The following EVC variants were observed in gnomAD, a reference collection of about 807,000 sequenced individuals.
EVC encodes the protein evC complex member EVC.
Under a neutral mutation model 118.9 loss-of-function variants are expected in EVC, and 116 were observed. The ratio of observed to expected loss-of-function variants is 0.98; its 90% CI spans 0.84 to 1.14. EVC has a LOEUF of 1.14. Ranked by LOEUF, EVC falls within the 50% of genes most tolerant of loss-of-function variation. The probability of loss-of-function intolerance (pLI) is 0.00; values close to 1 mark genes in which losing one functional copy is unlikely to be tolerated. For missense variants in EVC, 1,401 were observed against 1,246.4 expected (o/e 1.12, Z -1.87); for synonymous variants, 619 against 534.7 (o/e 1.16, Z -2.18).
intron 1 of EVC, among the ~76,000 whole-genome samples, chr4:5,714,495 ATTTT>A (rs56388164): frequency 1.6e-3 from 213 of 129,646 alleles, no homozygotes; most frequent in South Asian, 4.2e-3. Context: ...TGCTGCTTGC[ATTTT>A]TTTTTTTTTT....
rs779899176 is a variant in EVC at position 5,811,323 on chromosome 4, A to G, written c.*286A>G. The G allele has an allele frequency of 4.2e-5, 18 of 429,646 alleles. No homozygotes were observed. The highest frequency in any genetic ancestry group is 1.4e-4 in the Admixed American group (4 of 28,144). 26.6% of individuals were successfully genotyped at this position (429,646 alleles called of 1,614,324 possible). On this transcript the variant is annotated 3_prime_UTR_variant, in exon 21 of 21. Transcript: ENST00000264956. ...CATGGATCTTTCTCCCCAAGGAGGG[A>G]CGTCTTGAGGGGTCCGAGCCTCAGG...
downstream of EVC, among the ~76,000 whole-genome samples, chr4:5,817,778 G>T (rs934797932): frequency 6.6e-6 from 1 of 152,274 alleles, no homozygotes; most frequent in South Asian, 2.1e-4. Flanking sequence ...TTGGCCCCAG[G>T]ATAAGGGTAG....
chr4:5,795,003 A>G (rs1560421432), intron 13 of EVC, among the ~76,000 whole-genome samples: 1 of 152,172 alleles, frequency 6.6e-6, no homozygotes, highest in Non-Finnish European at 1.5e-5. Flanking sequence ...TTCTGTGTCT[A>G]CATTAATTTC....
Position 5,755,259 on chromosome 4 carries a change from A to G in EVC, c.1465-1005A>G, listed in dbSNP as rs569250002. Among the ~76,000 whole-genome samples the G allele has an allele frequency of 2.0e-5, 3 of 152,206 alleles. No individual in the cohort carries two copies. Among genetic ancestry groups the G allele is most frequent in the East Asian group, 3.9e-4 (2 of 5,162 alleles). On this transcript the variant is annotated intron_variant, in intron 10 of 20. Coordinates refer to ENST00000264956, the MANE Select transcript of EVC (RefSeq NM_153717.3). The surrounding 1 kb of genome is among the most constrained non-coding windows in gnomAD (Gnocchi z 4.1). The stretch of plus-strand genomic sequence containing the variant: ...GTCACAGAGCCCAGTGTGAGTCCAG[A>G]GTGTGGAGACAGTGCCTGGGTGACC...
rs1726415422 is a variant in EVC, at chr4:5,729,399, C to T, written c.384+9C>T. On this transcript the variant is annotated intron_variant, in intron 3 of 20. Coordinates refer to ENST00000264956, the MANE Select transcript of EVC (RefSeq NM_153717.3). ...TCAATCAGAAGTTCCGGGTGAGAGT[C>T]CTGAGCTCCATCATAGAAAGCCAGT... 6.2e-7 allele frequency: 1 copy of T among 1,613,206 alleles called. No homozygotes were observed. The highest frequency in any genetic ancestry group is 8.5e-7 in the Non-Finnish European group (1 of 1,179,348).
chr4:5,793,271 GA>G (rs1713138159), intron 12 of EVC, among the ~76,000 whole-genome samples: 1 of 151,682 alleles, frequency 6.6e-6, no homozygotes, highest in Non-Finnish European at 1.5e-5. Flanking sequence ...AGGAAAGCCA[GA>G]AAAAAAATAA....
chr4:5,765,611 G>T (rs1732742081), intron 11 of EVC, among the ~76,000 whole-genome samples: 1 of 130,504 alleles, frequency 7.7e-6, no homozygotes, highest in South Asian at 2.8e-4. Flanking sequence ...TATATATTTA[G>T]GATAGTTAGC....
At chr4:5,711,793 G>T (rs1187692253) in intron 1 of EVC, among the ~76,000 whole-genome samples, 2 of 152,184 alleles carry the variant, frequency 1.3e-5, no homozygotes, top group Non-Finnish European at 1.5e-5. Flanking sequence ...GGTGATCCTT[G>T]ACAGCAGCCC....
chr4:5,823,265 A>T, the EVC span, among the ~76,000 whole-genome samples: 1 of 152,202 alleles, frequency 6.6e-6, no homozygotes, highest in African/African-American at 2.4e-5. Flanking sequence ...GCCACTAAGA[A>T]TTTGGTTCAC....
At chr4:5,822,001 CTCCACAGAG>C in the EVC span, 1 of 622,788 alleles carries the variant, frequency 1.6e-6, no homozygotes, top group Non-Finnish European at 2.7e-6. Flanking sequence ...CCTCCCTGGC[CTCCACAGAG>C]TCCACTGCTC....
the EVC span, among the ~76,000 whole-genome samples, chr4:5,823,747 A>C: frequency 6.6e-6 from 1 of 152,212 alleles, no homozygotes; most frequent in African/African-American, 2.4e-5. Flanking sequence ...CCAGAAGCAG[A>C]CGCTGGCACC....
At chr4:5,739,163 G>A (rs1728145929) in intron 5 of EVC, among the ~76,000 whole-genome samples, 1 of 152,060 alleles carries the variant, frequency 6.6e-6, no homozygotes, top group South Asian at 2.1e-4. Flanking sequence ...TCTCAAAGTT[G>A]GCACTATGGA....
At chr4:5,724,715 A>G (rs886686887) in intron 2 of EVC, among the ~76,000 whole-genome samples, 9 of 138,408 alleles carry the variant, frequency 6.5e-5, no homozygotes, top group African/African-American at 2.0e-4. Context: ...TTTTTTTTTT[A>G]CTTCTTGAAA....
intron 8 of EVC, among the ~76,000 whole-genome samples, chr4:5,751,060 A>G (rs1458343125): frequency 6.6e-6 from 1 of 152,210 alleles, no homozygotes; most frequent in East Asian, 1.9e-4. Flanking sequence ...AGGAAAAAAA[A>G]CAGCTGCCAA....
At chr4:5,714,921 C>A (rs1387764157) in intron 1 of EVC, among the ~76,000 whole-genome samples, 6 of 152,082 alleles carry the variant, frequency 3.9e-5, no homozygotes, top group African/African-American at 1.4e-4. Flanking sequence ...CCTCCCGCCT[C>A]AGCCTCCCAA....
At chr4:5,725,963 C>T (rs551105528) in intron 2 of EVC, among the ~76,000 whole-genome samples, 74 of 152,268 alleles carry the variant, frequency 4.9e-4, no homozygotes, top group African/African-American at 1.6e-3. Flanking sequence ...TACAGAGAAA[C>T]GACAAGAACA....
At position 5,755,731 on chromosome 4, in the gene EVC, C is replaced by G. The variant is rs2152091594; in HGVS notation, c.1465-533C>G. Reference sequence around the variant, plus strand: ...TCTGTTCCTCTGTCCTTCTGCCCCACCTCGCCCCTCGCTGATGCTCTGTTT... The same window carrying G: ...TCTGTTCCTCTGTCCTTCTGCCCCAGCTCGCCCCTCGCTGATGCTCTGTTT... On this transcript the variant is annotated intron_variant, in intron 10 of 20. Transcript: ENST00000264956. This position sits in a 1 kb window ranked among gnomAD's most constrained non-coding sequence, Gnocchi z 4.1. Among the ~76,000 whole-genome samples the G allele has an allele frequency of 6.6e-6, 1 of 152,302 alleles. No individual in the cohort carries two copies. The highest frequency in any genetic ancestry group is 2.4e-5 in the African/African-American group (1 of 41,582).
chr4:5,828,835 T>C, the EVC span, among the ~76,000 whole-genome samples: 1 of 152,158 alleles, frequency 6.6e-6, no homozygotes, highest in Admixed American at 6.5e-5. Flanking sequence ...TGGTCCACAG[T>C]GTATATAACC....
intron 11 of EVC, among the ~76,000 whole-genome samples, chr4:5,758,606 G>A (rs1193015139): frequency 6.6e-6 from 1 of 152,184 alleles, no homozygotes; most frequent in African/African-American, 2.4e-5. Flanking sequence ...TGGGCATGGG[G>A]AAACCAAGTT....
Sources: gnomAD v4.1 joint callset for allele counts (sites outside exome capture counted in the v4.1 genomes callset) on GRCh38, gnomAD v4.1.1 for gene constraint, Gnocchi (gnomAD v3.1) non-coding constraint, MANE v1.5 for transcripts, NCBI Gene and HGNC (gene_info 2026-07-23, HGNC 2026-07-21) for gene names.